The following GLI2 variants were observed in gnomAD, a reference collection of about 807,000 sequenced individuals.
GLI2 encodes transcription activator GLI2.
Under a neutral mutation model 78.9 loss-of-function variants are expected in GLI2, and 22 were observed. The observed-to-expected ratio is 0.28, with a 90% CI of 0.20 to 0.40. GLI2 has a LOEUF of 0.40. Ranked by LOEUF, GLI2 falls within the 10% of genes least tolerant of loss-of-function variation. GLI2 has a pLI of 1.00. For missense variants in GLI2, 2,097 were observed against 2,213.2 expected, an observed-to-expected ratio of 0.95 and a Z score of 1.05; for synonymous variants, 974 against 963.7, an observed-to-expected ratio of 1.01 and a Z score of -0.20.
rs1684679264 is a variant in GLI2, at chr2:120,800,911, G to A, written c.148+3443G>A. On this transcript the variant is annotated intron_variant, in intron 2 of 13. Transcript: ENST00000361492. The surrounding 1 kb of genome is among the most constrained non-coding windows in gnomAD (Gnocchi z 4.1). Reference sequence around the variant, plus strand: ...GAGGATGTCAGGGGCGCAGTGGTGAGGAAACAGCCAAATCCTGCAAGCTGT... The same window carrying A: ...GAGGATGTCAGGGGCGCAGTGGTGAAGAAACAGCCAAATCCTGCAAGCTGT... Among the ~76,000 whole-genome samples, 1 of 152,172 alleles carries A rather than the reference G, an allele frequency of 6.6e-6. No homozygotes were observed.
chr2:120,878,128 A>G (rs1688852236), intron 2 of GLI2, among the ~76,000 whole-genome samples: 1 of 152,252 alleles, frequency 6.6e-6, no homozygotes, highest in Non-Finnish European at 1.5e-5. Flanking sequence ...TGAACTTCAG[A>G]AAAATAGACC....
In GLI2 at chr2:120,795,999, G is replaced by A. The variant is rs192127519; in HGVS notation, c.-30-1292G>A. On this transcript the variant is annotated intron_variant, in intron 1 of 13. Transcript: ENST00000361492. Reference sequence around the variant, plus strand: ...GCAGAGGTTGCGGTGAGCCAAGATCGCGCCATTGCACTCCAGCCTGGGCAA... The same window carrying A: ...GCAGAGGTTGCGGTGAGCCAAGATCACGCCATTGCACTCCAGCCTGGGCAA... 6.6e-5 allele frequency among the ~76,000 whole-genome samples: 10 copies of A among 151,994 alleles called. No individual in the cohort carries two copies. The East Asian group carries it at 1.8e-3, about 27-fold the overall frequency.
chr2:120,920,884 A>AT lies in GLI2; in HGVS notation c.149-6471dup, dbSNP rs1278351121. ...GCCGGAAGGACATGATTAATTTTGG[A>AT]TTTTTTCTTTTACTTGAAAAAAAAA... On this transcript the variant is annotated intron_variant, in intron 2 of 13. Coordinates refer to ENST00000361492, the MANE Select transcript of GLI2 (RefSeq NM_001374353.1). Among the ~76,000 whole-genome samples the AT allele has an allele frequency of 1.0e-4, 12 of 118,216 alleles. No individual in the cohort carries two copies. In the East Asian group the frequency reaches 2.4e-3, roughly 23 times the overall value. 77.6% of individuals were successfully genotyped at this position (118,216 alleles called of 152,430 possible).
At chr2:120,887,191 A>G (rs150119672) in intron 2 of GLI2, among the ~76,000 whole-genome samples, 1 of 152,268 alleles carries the variant, frequency 6.6e-6, no homozygotes, top group Non-Finnish European at 1.5e-5. Flanking sequence ...TAGATGTCAC[A>G]AGCCACAGAG....
chr2:120,795,091 G>A (rs752333685), intron 1 of GLI2, among the ~76,000 whole-genome samples: 3 of 152,162 alleles, frequency 2.0e-5, no homozygotes, highest in Admixed American at 6.5e-5. Context: ...ATTCTAGGCC[G>A]AGTGTGGTAG....
chr2:120,748,775 G>A (rs1041586177), intron 1 of GLI2, among the ~76,000 whole-genome samples: 3 of 152,208 alleles, frequency 2.0e-5, no homozygotes, highest in African/African-American at 7.2e-5. Flanking sequence ...CTGGTGGGTG[G>A]TGGTTCTCAG....
In GLI2 at chr2:120,910,897, G is replaced by A. The variant is rs141151088; in HGVS notation, c.149-16464G>A. Among the ~76,000 whole-genome samples the A allele has an allele frequency of 9.6e-3, 1,462 of 152,376 alleles. 23 individuals carry two copies. Among genetic ancestry groups the A allele is most frequent in the Middle Eastern group, 0.02 (6 of 294 alleles). Reference sequence around the variant, plus strand: ...TTACATTTCCTTTTGGAAAGACCACGAATGAAGTGAAAATACCAAGGCTGG... The same window carrying A: ...TTACATTTCCTTTTGGAAAGACCACAAATGAAGTGAAAATACCAAGGCTGG... On this transcript the variant is annotated intron_variant, in intron 2 of 13. Coordinates refer to ENST00000361492, the MANE Select transcript of GLI2 (RefSeq NM_001374353.1).
At chr2:120,744,074 G>A (rs1161573757) in intron 1 of GLI2, among the ~76,000 whole-genome samples, 1 of 152,236 alleles carries the variant, frequency 6.6e-6, no homozygotes, top group East Asian at 1.9e-4. Flanking sequence ...GCCTGTGATG[G>A]TCTTTTCAGA....
intron 2 of GLI2, among the ~76,000 whole-genome samples, chr2:120,806,864 T>C (rs1302130117): frequency 2.0e-5 from 3 of 152,174 alleles, no homozygotes; most frequent in Non-Finnish European, 2.9e-5. Flanking sequence ...GGAAGATGCA[T>C]TTAAGAAGCA....
At position 120,763,395 on chromosome 2, in the gene GLI2, C is replaced by T. The variant is rs181636196; in HGVS notation, c.-31+27110C>T. ...TGTTGGATTGAGGGGACTTGAAGGC[C>T]TCCACAGTGGCAGGGCCACTAGGCA... On this transcript the variant is annotated intron_variant, in intron 1 of 13. Coordinates refer to ENST00000361492, the MANE Select transcript of GLI2 (RefSeq NM_001374353.1). Among the ~76,000 whole-genome samples, 31 of 152,342 alleles carry T rather than the reference C, an allele frequency of 2.0e-4. No homozygotes were observed. The East Asian group carries it at 6.0e-3, about 29-fold the overall frequency.
chr2:120,935,325 G>T (rs953811560), intron 3 of GLI2, among the ~76,000 whole-genome samples: 10 of 152,230 alleles, frequency 6.6e-5, no homozygotes. Context: ...AGAGCAACTG[G>T]ACAGCAGGTA....
intron 2 of GLI2, among the ~76,000 whole-genome samples, chr2:120,847,281 G>T (rs1046067293): frequency 8.6e-5 from 13 of 151,962 alleles, no homozygotes; most frequent in African/African-American, 2.9e-4. Flanking sequence ...TTTAATAATC[G>T]GAAGAAAATA....
chr2:120,803,327 A>G (rs76610124), intron 2 of GLI2, among the ~76,000 whole-genome samples: 2,097 of 151,930 alleles, frequency 0.014, 57 homozygotes, highest in African/African-American at 0.047. Flanking sequence ...GCATTCCTTG[A>G]GTTAGCACAT....
intron 1 of GLI2, among the ~76,000 whole-genome samples, chr2:120,785,244 G>A (rs181628068): frequency 1.3e-5 from 2 of 152,276 alleles, no homozygotes; most frequent in Admixed American, 1.3e-4. Context: ...ACTGGACCAG[G>A]CAGGAGCGAG....
chr2:120,940,172 G>A (rs1680387107), intron 3 of GLI2, among the ~76,000 whole-genome samples: 1 of 152,176 alleles, frequency 6.6e-6, no homozygotes, highest in Non-Finnish European at 1.5e-5. Flanking sequence ...TACTCATTAT[G>A]TGGTTAGCAA....
chr2:120,778,357 T>C (rs550437854), intron 1 of GLI2, among the ~76,000 whole-genome samples: 50 of 152,298 alleles, frequency 3.3e-4, no homozygotes, highest in African/African-American at 1.2e-3. Flanking sequence ...TCCTTTCCTG[T>C]GACTCAGAGT....
At chr2:120,888,971 T>G (rs1167803306) in intron 2 of GLI2, among the ~76,000 whole-genome samples, 3 of 151,916 alleles carry the variant, frequency 2.0e-5, no homozygotes, top group Non-Finnish European at 2.9e-5. Context: ...TCCTTTTCCC[T>G]GGGGGTGGGG....
chr2:120,900,686 C>T (rs529897642), intron 2 of GLI2, among the ~76,000 whole-genome samples: 2 of 152,336 alleles, frequency 1.3e-5, no homozygotes, highest in African/African-American at 4.8e-5. Context: ...CTGTCTTTTA[C>T]TTTCACAGCC....
At chr2:120,856,110 A>G (rs1158618272) in intron 2 of GLI2, among the ~76,000 whole-genome samples, 1 of 152,124 alleles carries the variant, frequency 6.6e-6, no homozygotes, top group East Asian at 1.9e-4. Context: ...TACAACTGGA[A>G]CTGATCCCTG....
Sources: allele counts gnomAD v4.1 joint callset (sites outside exome capture counted in the v4.1 genomes callset), GRCh38; gene constraint gnomAD v4.1.1; non-coding constraint Gnocchi (gnomAD v3.1); transcripts MANE v1.5; gene names NCBI Gene and HGNC (gene_info 2026-07-23, HGNC 2026-07-21).